Variants in SUMF1 observed in about 807,000 individuals in gnomAD.
The protein encoded by SUMF1 is sulfatase modifying factor 1, also known as formylglycine-generating enzyme.
A neutral mutation model predicts 47.6 loss-of-function variants in SUMF1; 48 were observed. That is an observed-to-expected ratio of 1.01 (90% confidence interval 0.80 to 1.28). The LOEUF is 1.28. Ranked by LOEUF, SUMF1 falls within the 50% of genes most tolerant of loss-of-function variation. SUMF1 has a pLI of 0.00. For missense variants in SUMF1, 571 were observed against 485.4 expected (o/e 1.18, Z -1.66); for synonymous variants, 230 against 192.1 (o/e 1.20, Z -1.63).
intron 8 of SUMF1, among the ~76,000 whole-genome samples, chr3:4,314,596 A>T (rs1698560713): frequency 1.3e-5 from 2 of 152,156 alleles, no homozygotes; most frequent in Non-Finnish European, 2.9e-5. Flanking sequence ...ACTTGGCTGT[A>T]CTCCAAATCT....
At chr3:4,289,394 C>T (rs1697696679) in intron 8 of SUMF1, among the ~76,000 whole-genome samples, 1 of 152,156 alleles carries the variant, frequency 6.6e-6, no homozygotes, top group South Asian at 2.1e-4. Flanking sequence ...AGGAAAGAGG[C>T]TCCAAAGAGC....
chr3:4,418,029 G>A lies in SUMF1; in HGVS notation c.706C>T (p.Arg236Ter), dbSNP rs748169616. 3.7e-6 allele frequency: 6 copies of A among 1,613,736 alleles called. No individual in the cohort carries two copies. The Admixed American group carries it at 5.0e-5, about 13-fold the overall frequency. ...PTEAEWEYSC[R>*]GGLHNRLFPW... ...AAATACCTATTATGCAGGCCTCCTCGACAGCTGTATTCCCACTCAGCTTCC... is the reference window on the plus strand; with the variant it reads ...AAATACCTATTATGCAGGCCTCCTCAACAGCTGTATTCCCACTCAGCTTCC... The change falls in exon 5 of 9, where the codon CGA becomes TGA. Residue 236 changes from arginine (R) to a stop codon, truncating the protein, a stop_gained. Transcript: ENST00000272902. LOFTEE classifies it high-confidence loss of function.
intron 8 of SUMF1, among the ~76,000 whole-genome samples, chr3:4,373,993 A>AC (rs1700247072): frequency 1.2e-5 from 1 of 84,038 alleles, no homozygotes; most frequent in Non-Finnish European, 3.7e-5. Context: ...TCCATTGCTG[A>AC]TAAAAAACTC....
rs572570791 is a variant in SUMF1, at chr3:4,268,415, C to T, written c.1014+107915G>A. Among the ~76,000 whole-genome samples the T allele has an allele frequency of 6.6e-5, 10 of 151,186 alleles. No homozygotes were observed. The South Asian group carries it at 2.1e-3, about 32-fold the overall frequency. On this transcript the variant is annotated intron_variant and NMD_transcript_variant, in intron 8 of 12. Transcript: ENST00000448413. ...AACCTGCACATTGTGCACATGTAGCCTAAAACTTAAAGTATAATAAAAAAA... is the reference window on the plus strand; with the variant it reads ...AACCTGCACATTGTGCACATGTAGCTTAAAACTTAAAGTATAATAAAAAAA...
At chr3:4,369,043 AAAG>A (rs1559251320) in intron 8 of SUMF1, among the ~76,000 whole-genome samples, 2 of 150,250 alleles carry the variant, frequency 1.3e-5, no homozygotes, top group Admixed American at 6.6e-5. Context: ...TTGGCATGCA[AAAG>A]GTTTTTTTTT....
chr3:4,456,927 TATATATACGTGTGTGTAC>T lies in SUMF1; in HGVS notation c.271-3896_271-3879del, dbSNP rs759701136. On this transcript the variant is annotated intron_variant, in intron 1 of 8. Coordinates refer to ENST00000272902, the MANE Select transcript of SUMF1 (RefSeq NM_182760.4). ...GTATATCTATATACGTGTGTGTGTATATATATACGTGTGTGTACATATATACGTGTGTGTATATATATA... is the reference window on the plus strand; with the variant it reads ...GTATATCTATATACGTGTGTGTGTATATATATACGTGTGTGTATATATATA... Among the ~76,000 whole-genome samples, 587 of 131,796 alleles carry T rather than the reference TATATATACGTGTGTGTAC, an allele frequency of 4.5e-3. 11 individuals are homozygous for T. Among genetic ancestry groups the T allele is most frequent in the African/African-American group, 7.4e-3 (259 of 35,100 alleles). 86.5% of individuals were successfully genotyped at this position (131,796 alleles called of 152,430 possible). A position where few individuals can be genotyped will look rare whatever the true frequency, so the allele number is the denominator to read the frequency against.
At chr3:4,351,625 G>A (rs988071973) in intron 8 of SUMF1, among the ~76,000 whole-genome samples, 4 of 151,976 alleles carry the variant, frequency 2.6e-5, no homozygotes, top group Admixed American at 1.3e-4. Flanking sequence ...CTTCTTCCAC[G>A]CCGCCCCTAA....
intron 8 of SUMF1, chr3:4,313,642 G>C: frequency 6.2e-7 from 1 of 1,614,032 alleles, no homozygotes; most frequent in Non-Finnish European, 8.5e-7. Context: ...CCTGCCTTTT[G>C]ACAGTTCTCT....
chr3:4,284,673 G>C (rs957527784), intron 8 of SUMF1, among the ~76,000 whole-genome samples: 1 of 151,682 alleles, frequency 6.6e-6, no homozygotes, highest in African/African-American at 2.4e-5. Context: ...TTCCTAGGCA[G>C]TCACACTAGC....
At chr3:4,169,283 T>C (rs1838305) in intron 8 of SUMF1, among the ~76,000 whole-genome samples, 99,746 of 152,002 alleles carry the variant, frequency 0.66, 32,894 homozygotes, top group South Asian at 0.73. Flanking sequence ...CCAGTATCTA[T>C]GAATCTGACT....
intron 8 of SUMF1, among the ~76,000 whole-genome samples, chr3:4,205,028 A>G (rs563166883): frequency 1.3e-5 from 2 of 152,188 alleles, no homozygotes; most frequent in East Asian, 3.9e-4. Flanking sequence ...CAGGCCTCTG[A>G]GCCCAAGCTA....
At chr3:4,154,069 A>T (rs1373249158) in intron 8 of SUMF1, among the ~76,000 whole-genome samples, 1 of 151,540 alleles carries the variant, frequency 6.6e-6, no homozygotes, top group Non-Finnish European at 1.5e-5. Flanking sequence ...TGGCAGAATT[A>T]AATGGAATGG....
rs1014222750 is a variant in SUMF1 at position 4,136,012 on chromosome 3, A to G, written c.1015-67267T>C. ...AATGGAAGAACATTCCATGCTCATG[A>G]GTAGGAACAATCAATATTGTGAAAA... is the stretch of plus-strand genomic sequence containing the variant. On this transcript the variant is annotated intron_variant and NMD_transcript_variant, in intron 8 of 12. Transcript: ENST00000448413. Among the ~76,000 whole-genome samples the G allele has an allele frequency of 3.9e-5, 6 of 152,206 alleles. No individual in the cohort carries two copies. The South Asian group carries it at 6.2e-4, about 16-fold the overall frequency.
At chr3:4,458,075 C>T (rs781653018) in intron 1 of SUMF1, among the ~76,000 whole-genome samples, 1 of 152,054 alleles carries the variant, frequency 6.6e-6, no homozygotes, top group Non-Finnish European at 1.5e-5. Context: ...GGGCAAAGGA[C>T]CCGAATAGAC....
intron 8 of SUMF1, among the ~76,000 whole-genome samples, chr3:4,122,154 G>A (rs1299315353): frequency 1.3e-5 from 2 of 151,648 alleles, no homozygotes; most frequent in Non-Finnish European, 2.9e-5. Flanking sequence ...CTTTGCTATG[G>A]TGAATACAGC....
chr3:4,211,538 T>C (rs879794007), intron 8 of SUMF1, among the ~76,000 whole-genome samples: 9 of 152,034 alleles, frequency 5.9e-5, no homozygotes, highest in Non-Finnish European at 1.0e-4. Context: ...AGAGAATATC[T>C]TCATGACCTT....
chr3:4,056,200 A>G (rs1352484435), intron 9 of SUMF1, among the ~76,000 whole-genome samples: 5 of 152,092 alleles, frequency 3.3e-5, no homozygotes, highest in African/African-American at 9.7e-5. Context: ...ATCTTTAGGG[A>G]CCATTATTCT....
chr3:4,207,843 A>G (rs1283983699), intron 8 of SUMF1, among the ~76,000 whole-genome samples: 2 of 152,196 alleles, frequency 1.3e-5, no homozygotes, highest in African/African-American at 4.8e-5. Flanking sequence ...AATTCTGTGC[A>G]GAACCAGTGC....
At chr3:4,323,074 A>G (rs1698870292) in intron 8 of SUMF1, among the ~76,000 whole-genome samples, 1 of 152,222 alleles carries the variant, frequency 6.6e-6, no homozygotes, top group African/African-American at 2.4e-5. Flanking sequence ...AAATATTCAT[A>G]TAACGTTATT....
Sources: allele counts gnomAD v4.1 joint callset (sites outside exome capture counted in the v4.1 genomes callset), GRCh38; gene constraint gnomAD v4.1.1; transcripts MANE v1.5; gene names NCBI Gene and HGNC (gene_info 2026-07-23, HGNC 2026-07-21).